KCNN2: variants seen among roughly 807,000 people sequenced by gnomAD.
The protein encoded by KCNN2 is potassium calcium-activated channel subfamily N member 2, also known as small conductance calcium-activated potassium channel protein 2.
A neutral mutation model predicts 55.5 loss-of-function variants in KCNN2; 24 were observed. The observed-to-expected ratio is 0.43, with a 90% CI of 0.31 to 0.61. The LOEUF (loss-of-function observed/expected upper bound fraction) is 0.61, where lower values mean the gene tolerates loss of function less well. Among genes scored for constraint, KCNN2 ranks in the 20% least tolerant of loss-of-function variants. KCNN2 has a pLI of 0.08. For synonymous variants in KCNN2, 431 were observed against 336.1 expected, an observed-to-expected ratio of 1.28 and a Z score of -3.09; for missense variants, 754 against 853.6, an observed-to-expected ratio of 0.88 and a Z score of 1.45.
In KCNN2 at chr5:114,362,478, C is replaced by T. The variant is rs1327452332; in HGVS notation, c.339C>T (p.Cys113=). Residue 113 remains cysteine (C), a synonymous_variant, in exon 1 of 8, where the codon TGC becomes TGT. Coordinates refer to ENST00000673685, the MANE Select transcript of KCNN2 (RefSeq NM_021614.4). The part of the protein sequence containing the change: ...TSSPLSGSSC[C]CCCCSSRRGS... ...CGCCGCTGTCGGGCTCGTCCTGCTG[C>T]TGCTGCTGCTGCTCGTCGCGCCGGG... 4.4e-6 allele frequency: 2 copies of T among 455,432 alleles called. No individual in the cohort carries two copies. The highest frequency in any genetic ancestry group is 2.1e-5 in the African/African-American group (1 of 48,184). 28.2% of individuals were successfully genotyped at this position (455,432 alleles called of 1,614,324 possible).
intron 2 of KCNN2, among the ~76,000 whole-genome samples, chr5:114,223,875 G>A (rs745418450): frequency 1.3e-5 from 2 of 152,124 alleles, no homozygotes; most frequent in Non-Finnish European, 2.9e-5. Context: ...GAAGAAGGGG[G>A]CCCCATTTGG....
intron 1 of KCNN2, among the ~76,000 whole-genome samples, chr5:114,202,356 A>G (rs1018948755): frequency 2.6e-5 from 4 of 151,668 alleles, no homozygotes; most frequent in African/African-American, 7.3e-5. Context: ...GACTTTACCT[A>G]TATTTACTTT....
At chr5:114,148,741 G>C (rs1181343146) in intron 1 of KCNN2, among the ~76,000 whole-genome samples, 1 of 152,114 alleles carries the variant, frequency 6.6e-6, no homozygotes, top group African/African-American at 2.4e-5. Flanking sequence ...CAGGTTCCAA[G>C]ATAGGAGGTG....
chr5:114,486,691 T>C, intron 5 of KCNN2: 8 of 1,269,458 alleles, frequency 6.3e-6, no homozygotes, highest in Non-Finnish European at 7.2e-6. Flanking sequence ...ATTTTGTCTT[T>C]CTGCAGGGAA....
intron 1 of KCNN2, among the ~76,000 whole-genome samples, chr5:114,210,803 C>A (rs878861269): frequency 2.0e-5 from 3 of 152,060 alleles, no homozygotes; most frequent in Non-Finnish European, 4.4e-5. Context: ...ATATACTTGA[C>A]CTCAAGGGTT....
At chr5:114,114,149 G>A (rs1257432805) in intron 1 of KCNN2, among the ~76,000 whole-genome samples, 1 of 152,104 alleles carries the variant, frequency 6.6e-6, no homozygotes, top group Non-Finnish European at 1.5e-5. Context: ...TTATACAGAA[G>A]GACATTTCTG....
At chr5:114,410,149 A>G (rs1759085891) in intron 3 of KCNN2, among the ~76,000 whole-genome samples, 1 of 152,216 alleles carries the variant, frequency 6.6e-6, no homozygotes, top group Non-Finnish European at 1.5e-5. Context: ...ACAATGTATT[A>G]GGAGAAATTT....
chr5:114,288,847 A>C (rs1263711374), intron 2 of KCNN2, among the ~76,000 whole-genome samples: 1 of 152,236 alleles, frequency 6.6e-6, no homozygotes, highest in East Asian at 1.9e-4. Context: ...CCATTGACAC[A>C]CAAGACTTTT....
At chr5:114,177,170 C>G (rs536808386) in intron 1 of KCNN2, among the ~76,000 whole-genome samples, 12 of 149,042 alleles carry the variant, frequency 8.1e-5, no homozygotes, top group Admixed American at 4.7e-4. Context: ...CGGAGTCTCG[C>G]TCTGTCGCCC....
At chr5:114,353,260 A>G (rs1757244683) in intron 2 of KCNN2, among the ~76,000 whole-genome samples, 2 of 151,716 alleles carry the variant, frequency 1.3e-5, no homozygotes, top group Admixed American at 6.6e-5. Flanking sequence ...ATATGTATTT[A>G]TAGAACTTGT....
chr5:114,160,828 C>T lies in KCNN2; in HGVS notation c.-270-60652C>T, dbSNP rs888271987. ...TTTATCAGAGACTAGGATTGCAACC[C>T]CTGCCTTTTTTTGTTTTCCATTTGC... is the stretch of plus-strand genomic sequence containing the variant. On this transcript the variant is annotated intron_variant, in intron 1 of 10. Transcript: ENST00000512097. Among the ~76,000 whole-genome samples, 8 of 151,986 alleles carry T rather than the reference C, an allele frequency of 5.3e-5. No homozygotes were observed. In the East Asian group the frequency reaches 5.8e-4, roughly 11 times the overall value.
At chr5:114,127,500 G>A (rs1224728569) in intron 1 of KCNN2, among the ~76,000 whole-genome samples, 1 of 152,168 alleles carries the variant, frequency 6.6e-6, no homozygotes, top group Non-Finnish European at 1.5e-5. Flanking sequence ...AGGGCACCAA[G>A]TCGCTAGGCT....
chr5:114,357,129 G>A (rs1757309693), upstream of KCNN2, among the ~76,000 whole-genome samples: 1 of 152,054 alleles, frequency 6.6e-6, no homozygotes, highest in Admixed American at 6.6e-5. Context: ...CCCCTGGTCT[G>A]ATTGAATTTG....
chr5:114,357,212 CAATACTAT>C (rs1488997012), upstream of KCNN2, among the ~76,000 whole-genome samples: 5 of 150,440 alleles, frequency 3.3e-5, no homozygotes, highest in African/African-American at 1.2e-4. Context: ...ATAGCATAGA[CAATACTAT>C]AAAGAAGAGA....
At chr5:114,262,976 G>A (rs971957275) in intron 2 of KCNN2, among the ~76,000 whole-genome samples, 6 of 152,058 alleles carry the variant, frequency 3.9e-5, no homozygotes, top group African/African-American at 1.4e-4. Flanking sequence ...ACTTTAAAAG[G>A]GAATATCAAA....
At chr5:114,254,164 T>A (rs1160806706) in intron 2 of KCNN2, among the ~76,000 whole-genome samples, 1 of 152,192 alleles carries the variant, frequency 6.6e-6, no homozygotes, top group Non-Finnish European at 1.5e-5. Context: ...ATTGCAATGT[T>A]TTGCTGTAGA....
At chr5:114,387,513 G>GA (rs1758321607) in intron 2 of KCNN2, among the ~76,000 whole-genome samples, 1 of 140,740 alleles carries the variant, frequency 7.1e-6, no homozygotes, top group Admixed American at 7.1e-5. Flanking sequence ...GCTTCAGTTA[G>GA]AAAAAAATTT....
At chr5:114,218,764 A>G (rs926833162) in intron 1 of KCNN2, among the ~76,000 whole-genome samples, 1 of 152,214 alleles carries the variant, frequency 6.6e-6, no homozygotes, top group African/African-American at 2.4e-5. Flanking sequence ...GGGCTCATCA[A>G]TTGTAACTAA....
At chr5:114,192,943 A>T (rs1287031895) in intron 1 of KCNN2, among the ~76,000 whole-genome samples, 1 of 151,966 alleles carries the variant, frequency 6.6e-6, no homozygotes, top group Admixed American at 6.6e-5. Flanking sequence ...TTGCCAACTG[A>T]TTGTCCAGAT....
Sources: allele counts gnomAD v4.1 joint callset (sites outside exome capture counted in the v4.1 genomes callset), GRCh38; gene constraint gnomAD v4.1.1; transcripts MANE v1.5; gene names NCBI Gene and HGNC (gene_info 2026-07-23, HGNC 2026-07-21).